Variants in RABGAP1L observed in about 807,000 individuals in gnomAD.
RABGAP1L encodes the protein rab GTPase-activating protein 1-like.
A neutral mutation model predicts 137.7 loss-of-function variants in RABGAP1L; 63 were observed. The ratio of observed to expected loss-of-function variants is 0.46; its 90% CI spans 0.37 to 0.56. The LOEUF (loss-of-function observed/expected upper bound fraction) is 0.56. Ranked by LOEUF, RABGAP1L falls within the 20% of genes least tolerant of loss-of-function variation. The pLI, the probability that RABGAP1L is intolerant of heterozygous loss-of-function variation, is 0.00. For missense variants in RABGAP1L, 1,095 were observed against 1,244.0 expected, an observed-to-expected ratio of 0.88 and a Z score of 1.80; for synonymous variants, 431 against 433.7, an observed-to-expected ratio of 0.99 and a Z score of 0.08.
rs67811794 is a variant in RABGAP1L, at chr1:174,162,777, G to GTT, written c.-34+3145_-34+3146dup. ...TCTTTTTTTTTTTTTTTCTCTTTCT[G>GTT]TTTTTTTTTTTTTTTTTTTTTTTTT... On this transcript the variant is annotated intron_variant, in intron 1 of 25. Coordinates refer to ENST00000681986, the MANE Select transcript of RABGAP1L (RefSeq NM_001366446.1). Among the ~76,000 whole-genome samples the GTT allele has an allele frequency of 5.6e-4, 29 of 51,548 alleles. 1 individual carries two copies. The highest frequency in any genetic ancestry group is 2.2e-3 in the East Asian group (2 of 890). The allele number at this position is 51,548 out of a possible 152,430, so 33.8% of individuals were successfully genotyped here. A position where few individuals can be genotyped will look rare whatever the true frequency, so the allele number is the denominator to read the frequency against.
At chr1:174,652,637 C>T (rs778767921) in intron 14 of RABGAP1L, among the ~76,000 whole-genome samples, 11 of 152,216 alleles carry the variant, frequency 7.2e-5, no homozygotes, top group Non-Finnish European at 1.6e-4. Context: ...GGCTTCAGAA[C>T]AGCAAGATTG....
chr1:174,603,891 A>G (rs766018351), intron 13 of RABGAP1L, among the ~76,000 whole-genome samples: 16 of 151,884 alleles, frequency 1.1e-4, no homozygotes, highest in East Asian at 1.9e-4. Context: ...TTGGTGCCCT[A>G]TTCTACTGTG....
In RABGAP1L at chr1:174,850,199, G is replaced by A. The variant is rs556539037; in HGVS notation, c.2340+38239G>A. On this transcript the variant is annotated intron_variant, in intron 19 of 25. Transcript: ENST00000681986. ...CATAACATGATGCCCTCAGGTTTAC[G>A]CCACACGTGGGAACACCAGTGCAGG... 5.4e-5 allele frequency: 20 copies of A among 367,092 alleles called. No homozygotes were observed. The Middle Eastern group carries it at 3.8e-3, about 70-fold the overall frequency. 22.7% of individuals were successfully genotyped at this position (367,092 alleles called of 1,614,324 possible). A position where few individuals can be genotyped will look rare whatever the true frequency, so the allele number is the denominator to read the frequency against.
intron 12 of RABGAP1L, among the ~76,000 whole-genome samples, chr1:174,377,773 T>A (rs1375001392): frequency 2.0e-5 from 3 of 151,524 alleles, no homozygotes; most frequent in South Asian, 2.1e-4. Flanking sequence ...TTTTTTTTTT[T>A]AAGATTTTAT....
chr1:174,627,684 G>A (rs1249163758), intron 13 of RABGAP1L, among the ~76,000 whole-genome samples: 1 of 152,138 alleles, frequency 6.6e-6, no homozygotes, highest in East Asian at 1.9e-4. Flanking sequence ...TAATGGTTTG[G>A]AAATTAAAGA....
intron 13 of RABGAP1L, among the ~76,000 whole-genome samples, chr1:174,418,221 T>C (rs971500866): frequency 3.9e-5 from 6 of 152,236 alleles, no homozygotes; most frequent in Non-Finnish European, 7.3e-5. Flanking sequence ...GAACTGATTC[T>C]AGTTTGACAC....
intron 13 of RABGAP1L, among the ~76,000 whole-genome samples, chr1:174,534,802 A>AAT (rs1553324952): frequency 1.4e-3 from 196 of 137,298 alleles, no homozygotes; most frequent in Middle Eastern, 4.0e-3. Flanking sequence ...AAAAAAAAAA[A>AAT]AATAATTAGA....
chr1:174,558,267 G>A (rs2148008753), intron 13 of RABGAP1L, among the ~76,000 whole-genome samples: 1 of 152,310 alleles, frequency 6.6e-6, no homozygotes, highest in African/African-American at 2.4e-5. Context: ...GGGGCTGCAT[G>A]CCAGCCAACT....
chr1:174,285,471 T>C (rs1675975540), intron 10 of RABGAP1L, among the ~76,000 whole-genome samples: 1 of 152,204 alleles, frequency 6.6e-6, no homozygotes, highest in Admixed American at 6.5e-5. Context: ...ACAAGCAAAT[T>C]TTGAATGTTA....
chr1:174,760,679 A>G (rs1374997523), intron 18 of RABGAP1L, among the ~76,000 whole-genome samples: 1 of 152,214 alleles, frequency 6.6e-6, no homozygotes, highest in Admixed American at 6.5e-5. Flanking sequence ...TCCTTTGGGC[A>G]TATACAAAGT....
intron 13 of RABGAP1L, among the ~76,000 whole-genome samples, chr1:174,456,963 C>T (rs1166759768): frequency 6.6e-6 from 1 of 152,056 alleles, no homozygotes; most frequent in Non-Finnish European, 1.5e-5. Flanking sequence ...TATTTATTGA[C>T]TATGCTATGT....
chr1:174,590,119 G>GTTTT (rs1669455903), intron 13 of RABGAP1L, among the ~76,000 whole-genome samples: 1 of 55,300 alleles, frequency 1.8e-5, no homozygotes, highest in Admixed American at 2.0e-4. Flanking sequence ...GACCTCTTCA[G>GTTTT]TTTCTTTTTT....
intron 1 of RABGAP1L, among the ~76,000 whole-genome samples, chr1:174,201,484 G>A (rs1035637975): frequency 3.9e-5 from 6 of 152,020 alleles, no homozygotes; most frequent in Admixed American, 1.3e-4. Flanking sequence ...AGGTGCCACC[G>A]CACCCGGCCT....
intron 1 of RABGAP1L, among the ~76,000 whole-genome samples, chr1:174,183,591 C>T (rs1172096395): frequency 6.6e-6 from 1 of 152,194 alleles, no homozygotes; most frequent in Non-Finnish European, 1.5e-5. Flanking sequence ...TTTGTTACAG[C>T]TGATGAACCT....
chr1:174,175,370 G>T (rs1665748760), intron 1 of RABGAP1L, among the ~76,000 whole-genome samples: 1 of 152,066 alleles, frequency 6.6e-6, no homozygotes, highest in African/African-American at 2.4e-5. Context: ...TGAGACTGTG[G>T]TCTCTGTTAG....
chr1:174,701,715 C>T (rs534917864), intron 16 of RABGAP1L, among the ~76,000 whole-genome samples: 2 of 150,002 alleles, frequency 1.3e-5, no homozygotes, highest in South Asian at 4.2e-4. Context: ...TGTACTCCAG[C>T]CTGGATGACA....
chr1:174,278,580 G>T, intron 9 of RABGAP1L, 33 bp from the exon 10 acceptor site: 1 of 1,547,584 alleles, frequency 6.5e-7, no homozygotes, highest in Non-Finnish European at 8.8e-7. Context: ...GAATAATAAA[G>T]CTCGCATAAA....
At chr1:174,193,480 C>T (rs1456982091) in intron 1 of RABGAP1L, among the ~76,000 whole-genome samples, 4 of 152,250 alleles carry the variant, frequency 2.6e-5, no homozygotes, top group African/African-American at 7.2e-5. Context: ...TGCAGTGAGT[C>T]GAGATCTTGC....
intron 12 of RABGAP1L, among the ~76,000 whole-genome samples, chr1:174,390,724 C>T (rs766156890): frequency 1.6e-4 from 25 of 152,024 alleles, no homozygotes; most frequent in Admixed American, 2.6e-4. Flanking sequence ...ATGTATTAGA[C>T]TTGGTGGTGG....
Sources: gnomAD v4.1 joint callset for allele counts (sites outside exome capture counted in the v4.1 genomes callset) on GRCh38, gnomAD v4.1.1 for gene constraint, MANE v1.5 for transcripts, NCBI Gene and HGNC (gene_info 2026-07-23, HGNC 2026-07-21) for gene names.